OTUD7A: variants seen among roughly 807,000 people sequenced by gnomAD.
OTUD7A encodes OTU deubiquitinase 7A, also known as OTU domain-containing protein 7A.
A neutral mutation model predicts 65.7 loss-of-function variants in OTUD7A; 12 were observed. The ratio of observed to expected loss-of-function variants is 0.18; its 90% CI spans 0.12 to 0.30. OTUD7A has a LOEUF of 0.30. Among genes scored for constraint, OTUD7A ranks in the 10% least tolerant of loss-of-function variants. The probability of loss-of-function intolerance (pLI) is 1.00; values close to 1 mark genes in which losing one functional copy is unlikely to be tolerated. For synonymous variants in OTUD7A, 641 were observed against 586.3 expected (o/e 1.09, Z -1.35); for missense variants, 1,148 against 1,304.8 (o/e 0.88, Z 1.85).
chr15:31,830,489 G>T (rs537039898), intron 1 of OTUD7A, among the ~76,000 whole-genome samples: 14 of 152,360 alleles, frequency 9.2e-5, no homozygotes, highest in African/African-American at 2.9e-4. Flanking sequence ...TATGACAGAA[G>T]TGAGGCTCAG....
intron 8 of OTUD7A, among the ~76,000 whole-genome samples, 195 bp from the exon 9 acceptor site, chr15:31,504,013 C>T (rs989048369): frequency 6.6e-6 from 1 of 152,208 alleles, no homozygotes; most frequent in Non-Finnish European, 1.5e-5. Context: ...AGCTCCCCTA[C>T]CCCACCGTGG....
chr15:31,667,673 T>C (rs1001480996), intron 1 of OTUD7A, among the ~76,000 whole-genome samples: 1 of 152,256 alleles, frequency 6.6e-6, no homozygotes, highest in Non-Finnish European at 1.5e-5. Flanking sequence ...CATTGTGCTA[T>C]TTGTTGCCTG....
intron 1 of OTUD7A, among the ~76,000 whole-genome samples, chr15:31,711,006 G>A (rs1893430308): frequency 6.6e-6 from 1 of 152,008 alleles, no homozygotes; most frequent in Non-Finnish European, 1.5e-5. Context: ...CTCACCTGAG[G>A]AGCATGTGCA....
chr15:31,790,802 G>C (rs954609424), intron 1 of OTUD7A, among the ~76,000 whole-genome samples: 23 of 152,308 alleles, frequency 1.5e-4, no homozygotes, highest in Middle Eastern at 3.4e-3. Flanking sequence ...GCTGCCTCAT[G>C]ATGGGCCCCA....
chr15:31,606,299 C>T (rs1353421379), intron 3 of OTUD7A, among the ~76,000 whole-genome samples: 5 of 152,172 alleles, frequency 3.3e-5, no homozygotes, highest in African/African-American at 9.7e-5. Flanking sequence ...GAGGGAGAGA[C>T]GAAGTGGTGC....
intron 1 of OTUD7A, chr15:31,765,695 G>C: frequency 1.2e-6 from 1 of 869,340 alleles, no homozygotes; most frequent in East Asian, 2.7e-5. Context: ...TCTCAGATAT[G>C]GCTTCATTTA....
At chr15:31,558,785 G>T in intron 5 of OTUD7A, 184 bp downstream of exon 5, 1 of 660,992 alleles carries the variant, frequency 1.5e-6, no homozygotes, top group Non-Finnish European at 2.6e-6. Flanking sequence ...CCTCCATCCA[G>T]CCCATGCTGG....
At chr15:31,633,067 C>A (rs1187336549) in intron 3 of OTUD7A, among the ~76,000 whole-genome samples, 1 of 152,246 alleles carries the variant, frequency 6.6e-6, no homozygotes, top group Non-Finnish European at 1.5e-5. Context: ...ACCCCTTGAG[C>A]TTCCCGAGTG....
Position 31,582,805 on chromosome 15 carries a change from G to T in OTUD7A, c.152-12608C>A, listed in dbSNP as rs187136638. On this transcript the variant is annotated intron_variant, in intron 3 of 12. Transcript: ENST00000307050. ...CAATACCACAGCAATGTCAATGAGG[G>T]ATGATGAGGATGAAGAAGTGGAGGG... is the stretch of plus-strand genomic sequence containing the variant. Among the ~76,000 whole-genome samples the T allele has an allele frequency of 2.0e-5, 3 of 152,260 alleles. No homozygotes were observed. The East Asian group carries it at 5.8e-4, about 29-fold the overall frequency.
chr15:31,794,328 T>C (rs987451707), intron 1 of OTUD7A, among the ~76,000 whole-genome samples: 1 of 152,240 alleles, frequency 6.6e-6, no homozygotes, highest in Non-Finnish European at 1.5e-5. Flanking sequence ...TATGCCTTAA[T>C]ATCTGTCAAA....
chr15:31,816,058 G>GA (rs1190185120), intron 1 of OTUD7A, among the ~76,000 whole-genome samples: 1 of 152,136 alleles, frequency 6.6e-6, no homozygotes, highest in Non-Finnish European at 1.5e-5. Context: ...TGGCCTCCAG[G>GA]AAAAAAACCA....
At position 31,484,331 on chromosome 15, in the gene OTUD7A, A is replaced by T; in HGVS notation, c.1765T>A (p.Ser589Thr). The T allele has an allele frequency of 6.3e-7, 1 of 1,599,840 alleles. No homozygotes were observed. Among genetic ancestry groups the T allele is most frequent in the South Asian group, 1.1e-5 (1 of 90,800 alleles). ...GACGGCGTGGTCTTTTCCGACGGCG[A>T]CGTGCTGGCCGACGCACCAGACTCC... ...KEESGASASTSPSEKTTPSPT... is the reference protein window; with the variant it reads ...KEESGASASTTPSEKTTPSPT... Residue 589 changes from serine to threonine, a missense_variant, in exon 13 of 13, where the codon TCG (serine) becomes ACG (threonine). Ser to Thr is a moderately conservative substitution (Grantham distance 58). Transcript: ENST00000307050. The surrounding 1 kb of genome is among the most constrained non-coding windows in gnomAD (Gnocchi z 4.5).
intron 6 of OTUD7A, among the ~76,000 whole-genome samples, chr15:31,529,850 C>G (rs531423619): frequency 6.6e-6 from 1 of 152,156 alleles, no homozygotes; most frequent in Non-Finnish European, 1.5e-5. Flanking sequence ...GACTGCATTC[C>G]TGTGTGAGGG....
intron 1 of OTUD7A, among the ~76,000 whole-genome samples, chr15:31,659,512 T>C (rs1214432392): frequency 6.6e-6 from 1 of 152,238 alleles, no homozygotes; most frequent in Non-Finnish European, 1.5e-5. Flanking sequence ...AACAACATTT[T>C]AGTGCTATAT....
chr15:31,868,924 T>C (rs1199241538), intron 1 of OTUD7A, among the ~76,000 whole-genome samples: 2 of 152,202 alleles, frequency 1.3e-5, no homozygotes. Flanking sequence ...GAGTGGCATA[T>C]GGTATTAAAT....
intron 1 of OTUD7A, among the ~76,000 whole-genome samples, chr15:31,683,331 G>A (rs1336779421): frequency 6.6e-6 from 1 of 152,142 alleles, no homozygotes; most frequent in Non-Finnish European, 1.5e-5. Context: ...GGATTCTGAA[G>A]AACCCACCCA....
intron 1 of OTUD7A, among the ~76,000 whole-genome samples, chr15:31,745,774 C>G (rs1276243350): frequency 6.6e-6 from 1 of 152,094 alleles, no homozygotes; most frequent in Admixed American, 6.5e-5. Flanking sequence ...AAAATATTCA[C>G]AAGACAGACT....
chr15:31,604,704 T>C (rs371612465), intron 3 of OTUD7A, among the ~76,000 whole-genome samples: 10 of 152,356 alleles, frequency 6.6e-5, no homozygotes, highest in Admixed American at 2.6e-4. Context: ...AGTAACTGGC[T>C]CATGCATGTG....
intron 8 of OTUD7A, among the ~76,000 whole-genome samples, chr15:31,526,005 GACC>G (rs2042006330): frequency 6.6e-6 from 1 of 152,214 alleles, no homozygotes; most frequent in Non-Finnish European, 1.5e-5. Flanking sequence ...CATCACGTGT[GACC>G]TCCAGAGGCC....
Sources: gnomAD v4.1 joint callset for allele counts (sites outside exome capture counted in the v4.1 genomes callset) on GRCh38, gnomAD v4.1.1 for gene constraint, Gnocchi (gnomAD v3.1) non-coding constraint, MANE v1.5 for transcripts, NCBI Gene and HGNC (gene_info 2026-07-23, HGNC 2026-07-21) for gene names.